Variants in CCDC7 observed in about 807,000 individuals in gnomAD.
The protein encoded by CCDC7 is coiled-coil domain-containing protein 7.
CCDC7 carries 183 observed loss-of-function variants against 196.9 expected under a neutral mutation model. The ratio of observed to expected loss-of-function variants is 0.93; its 90% CI spans 0.82 to 1.05. The LOEUF (loss-of-function observed/expected upper bound fraction) is 1.05. CCDC7 is among the 50% of genes least tolerant of loss of function. CCDC7 has a pLI of 0.00. For synonymous variants in CCDC7, 525 were observed against 484.6 expected (o/e 1.08, Z -1.10); for missense variants, 1,540 against 1,482.2 (o/e 1.04, Z -0.64).
At chr10:32,668,671 A>G (rs1375704822) in intron 21 of CCDC7, among the ~76,000 whole-genome samples, 2 of 152,094 alleles carry the variant, frequency 1.3e-5, no homozygotes, top group Non-Finnish European at 2.9e-5. Flanking sequence ...GCTGGATTAC[A>G]TTTATTGATT....
intron 21 of CCDC7, among the ~76,000 whole-genome samples, chr10:32,673,667 G>C (rs2140843898): frequency 6.6e-6 from 1 of 151,170 alleles, no homozygotes; most frequent in East Asian, 1.9e-4. Context: ...GTGTGTGTGT[G>C]TGTGTGTGTG....
chr10:32,546,712 A>G (rs182736263), intron 13 of CCDC7, among the ~76,000 whole-genome samples: 1 of 152,290 alleles, frequency 6.6e-6, no homozygotes, highest in East Asian at 1.9e-4. Flanking sequence ...TAAACAATTT[A>G]TATTATCTCA....
chr10:32,846,513 G>A, intron 37 of CCDC7, 54 bp downstream of exon 38: 1 of 1,088,300 alleles, frequency 9.2e-7, no homozygotes, highest in Non-Finnish European at 1.4e-6. Context: ...TGTTCCCTGA[G>A]TTAAATTAAG....
intron 13 of CCDC7, among the ~76,000 whole-genome samples, chr10:32,560,765 AACG>A (rs2055395849): frequency 1.8e-4 from 1 of 5,598 alleles, no homozygotes; most frequent in South Asian, 0.013. Context: ...TGCATCAACT[AACG>A]AGCAAAATAA....
At chr10:32,832,563 A>G (rs2092288878) in intron 32 of CCDC7, among the ~76,000 whole-genome samples, 1 of 152,080 alleles carries the variant, frequency 6.6e-6, no homozygotes, top group Admixed American at 6.6e-5. Context: ...ATATCAACCA[A>G]TAATTTTATG....
intron 22 of CCDC7, among the ~76,000 whole-genome samples, chr10:32,686,781 C>T (rs150131559): frequency 1.3e-5 from 2 of 152,268 alleles, no homozygotes; most frequent in East Asian, 3.9e-4. Flanking sequence ...GGTCTTTGTA[C>T]TTTTTATGTA....
intron 28 of CCDC7, among the ~76,000 whole-genome samples, chr10:32,745,101 G>T (rs532666367): frequency 6.6e-6 from 1 of 152,266 alleles, no homozygotes; most frequent in East Asian, 1.9e-4. Context: ...AATTGCCTTT[G>T]CTCCTTCATT....
intron 24 of CCDC7, among the ~76,000 whole-genome samples, chr10:32,701,306 G>T (rs1417828882): frequency 6.6e-6 from 1 of 151,558 alleles, no homozygotes; most frequent in Non-Finnish European, 1.5e-5. Context: ...TTCATCTATT[G>T]AGATAATCAT....
At chr10:32,569,415 GT>G (rs533335685) in intron 15 of CCDC7, among the ~76,000 whole-genome samples, 134 of 152,084 alleles carry the variant, frequency 8.8e-4, no homozygotes, top group African/African-American at 3.2e-3. Flanking sequence ...ATGCTTTATA[GT>G]TTTTTTCTTT....
intron 9 of CCDC7, chr10:32,499,477 A>G (rs2043517485): frequency 6.6e-6 from 1 of 152,150 alleles, no homozygotes; most frequent in Non-Finnish European, 1.5e-5. Flanking sequence ...TTGGGAAGAA[A>G]CTTGACATCC....
chr10:32,776,406 C>T (rs547922478), intron 28 of CCDC7, among the ~76,000 whole-genome samples: 35 of 151,964 alleles, frequency 2.3e-4, no homozygotes, highest in African/African-American at 8.4e-4. Context: ...CTCTATTTTA[C>T]CTTGCTCTTT....
chr10:32,828,464 AGAGGAAGAG>A (rs1465552456), intron 32 of CCDC7, among the ~76,000 whole-genome samples: 1 of 67,006 alleles, frequency 1.5e-5, no homozygotes, highest in Non-Finnish European at 3.7e-5. Context: ...AAGAAGAAGA[AGAGGAAGAG>A]GAAGAGGAAG....
At chr10:32,598,595 G>T (rs1386908227) in intron 18 of CCDC7, among the ~76,000 whole-genome samples, 1 of 152,178 alleles carries the variant, frequency 6.6e-6, no homozygotes, top group Non-Finnish European at 1.5e-5. Context: ...GCAGACTGGA[G>T]CTGTTCCTAT....
chr10:32,511,273 G>GT (rs2046149325), intron 9 of CCDC7: 1 of 782,436 alleles, frequency 1.3e-6, no homozygotes, highest in Non-Finnish European at 2.0e-6. Context: ...GGGGGGGCGG[G>GT]GAAATGTACT....
chr10:32,550,583 T>A (rs541372422), intron 13 of CCDC7, among the ~76,000 whole-genome samples: 3 of 152,070 alleles, frequency 2.0e-5, no homozygotes, highest in Non-Finnish European at 2.9e-5. Context: ...ATGTCCCTTG[T>A]ATGCCGTTTT....
rs566781619 is a variant in CCDC7 at position 32,455,982 on chromosome 10, C to G, written c.373-269C>G. ...CTATGAGGCTGGGATGCTGGATTTT[C>G]TGGAACTGTGTAGAGATGAATGAGA... On this transcript the variant is annotated intron_variant, in intron 2 of 41. Coordinates refer to ENST00000639629, the Ensembl canonical transcript of CCDC7. 4.5e-4 allele frequency among the ~76,000 whole-genome samples: 68 copies of G among 151,876 alleles called. 1 individual carries two copies. Among genetic ancestry groups the G allele is most frequent in the African/African-American group, 1.5e-3 (64 of 41,438 alleles).
At chr10:32,878,175 T>C (rs143439080), downstream of CCDC7, among the ~76,000 whole-genome samples, 64 of 152,204 alleles carry the variant, frequency 4.2e-4, no homozygotes, top group African/African-American at 1.5e-3. Flanking sequence ...TCTTGGGCTC[T>C]TTATATGTGG....
At chr10:32,760,808 C>A (rs537722610) in intron 28 of CCDC7, among the ~76,000 whole-genome samples, 1 of 151,428 alleles carries the variant, frequency 6.6e-6, no homozygotes, top group African/African-American at 2.4e-5. Flanking sequence ...AAGATGGCTC[C>A]GGAAGGTTCA....
upstream of CCDC7, among the ~76,000 whole-genome samples, chr10:32,448,989 C>G (rs1295517401): frequency 6.6e-6 from 1 of 151,838 alleles, no homozygotes; most frequent in Non-Finnish European, 1.5e-5. Flanking sequence ...TTTTATTCTT[C>G]AGCAGTATTA....
Sources: allele counts gnomAD v4.1 joint callset (sites outside exome capture counted in the v4.1 genomes callset), GRCh38; gene constraint gnomAD v4.1.1; transcripts MANE v1.5; gene names NCBI Gene and HGNC (gene_info 2026-07-23, HGNC 2026-07-21).